The following TMEM242 variants were observed in gnomAD, a reference collection of about 807,000 sequenced individuals.
The protein encoded by TMEM242 is transmembrane protein 242, also known as UPF0463 transmembrane protein C6orf35.
In TMEM242, 10 loss-of-function variants were observed where a neutral mutation model predicts 18.2. That is an observed-to-expected ratio of 0.55 (90% CI 0.34 to 0.93). TMEM242 has a LOEUF of 0.93. TMEM242 is among the 40% of genes least tolerant of loss of function. TMEM242 has a pLI of 0.02. For missense variants in TMEM242, 186 were observed against 175.5 expected (o/e 1.06, Z -0.34); for synonymous variants, 57 against 69.9 (o/e 0.81, Z 0.92).
At chr6:157,312,935 C>T (rs1466829014) in intron 3 of TMEM242, among the ~76,000 whole-genome samples, 29 of 13,284 alleles carry the variant, frequency 2.2e-3, no homozygotes, top group South Asian at 6.5e-3. Flanking sequence ...TCATAGTGCC[C>T]CAGTGTGCGC....
intron 3 of TMEM242, among the ~76,000 whole-genome samples, chr6:157,296,905 T>C (rs1230552263): frequency 1.3e-5 from 2 of 152,152 alleles, no homozygotes; most frequent in Admixed American, 6.5e-5. Flanking sequence ...TCAAGACAAA[T>C]GGAAAATGTA....
intron 3 of TMEM242, chr6:157,318,532 T>C (rs1474623197): frequency 2.1e-6 from 1 of 480,684 alleles, no homozygotes; most frequent in Non-Finnish European, 3.6e-6. Flanking sequence ...CTAATGTCAA[T>C]TTATATAGAA....
At chr6:157,293,127 A>G in intron 3 of TMEM242, 128 bp from the exon 4 acceptor site, 1 of 628,326 alleles carries the variant, frequency 1.6e-6, no homozygotes. Flanking sequence ...AACATCAATA[A>G]AAGATAGGGA....
chr6:157,297,239 C>T (rs1777762718), intron 3 of TMEM242, among the ~76,000 whole-genome samples: 1 of 152,218 alleles, frequency 6.6e-6, no homozygotes. Context: ...TCTGACTGCA[C>T]AGCCTATGTG....
chr6:157,309,328 G>A (rs1182522152), intron 3 of TMEM242, among the ~76,000 whole-genome samples: 1 of 151,618 alleles, frequency 6.6e-6, no homozygotes, highest in Non-Finnish European at 1.5e-5. Flanking sequence ...AATACCAAAG[G>A]TTGTCTTTTT....
At chr6:157,312,847 CCTGGCCTCAT>C (rs1778222375) in intron 3 of TMEM242, among the ~76,000 whole-genome samples, 2 of 137,054 alleles carry the variant, frequency 1.5e-5, no homozygotes, top group African/African-American at 5.6e-5. Context: ...TGTGCACTCA[CCTGGCCTCAT>C]CATAGTGTCC....
At chr6:157,318,509 C>G (rs1554250525) in intron 3 of TMEM242, 1 of 446,856 alleles carries the variant, frequency 2.2e-6, no homozygotes, top group Non-Finnish European at 3.9e-6. Flanking sequence ...AGGCATAACC[C>G]ACTGCACTCG....
At position 157,299,694 on chromosome 6, in the gene TMEM242, G is replaced by A. The variant is rs1207150889; in HGVS notation, c.328-6695C>T. 82 of 1,610,534 alleles carry A rather than the reference G, an allele frequency of 5.1e-5. 1 individual carries two copies. Among genetic ancestry groups the A allele is most frequent in the Middle Eastern group, 4.9e-4 (3 of 6,070 alleles). On this transcript the variant is annotated intron_variant, in intron 3 of 3. Transcript: ENST00000400788. Reference sequence around the variant, plus strand: ...ACATTTCGCTGGACTAAATTAAGGCGCGTTTCTCCCTTTTCTTGACGTGCA... The same window carrying A: ...ACATTTCGCTGGACTAAATTAAGGCACGTTTCTCCCTTTTCTTGACGTGCA...
Position 157,292,254 on chromosome 6 carries a change from T to C in TMEM242, c.*647A>G, listed in dbSNP as rs1777694052. ...CATTATTTTAGCCCAACTGTGCCTT[T>C]TGGGGTGATCACAACTCATTACTGG... On this transcript the variant is annotated 3_prime_UTR_variant, in exon 4 of 4. Coordinates refer to ENST00000400788, the MANE Select transcript of TMEM242 (RefSeq NM_018452.6). The C allele has an allele frequency of 6.6e-6, 1 of 152,216 alleles. No individual in the cohort carries two copies. The highest frequency in any genetic ancestry group is 2.4e-5 in the African/African-American group (1 of 41,442). The allele number at this position is 152,216 out of a possible 1,614,324, so 9.4% of individuals were successfully genotyped here.
At chr6:157,303,058 C>A (rs1777851936) in intron 3 of TMEM242, among the ~76,000 whole-genome samples, 2 of 152,228 alleles carry the variant, frequency 1.3e-5, no homozygotes, top group Admixed American at 6.5e-5. Flanking sequence ...AAGCCTATGT[C>A]ACCACTGTAC....
intron 3 of TMEM242, chr6:157,299,297 A>G (rs1447849775): frequency 1.3e-6 from 1 of 794,592 alleles, no homozygotes; most frequent in Non-Finnish European, 2.3e-6. Flanking sequence ...TAATAATCTC[A>G]TAGGCACTAG....
chr6:157,309,943 G>A (rs1488498222), intron 3 of TMEM242, among the ~76,000 whole-genome samples: 3 of 152,086 alleles, frequency 2.0e-5, no homozygotes, highest in African/African-American at 7.2e-5. Context: ...GTAAAGGTTA[G>A]CAATGTTCAT....
intron 3 of TMEM242, 63 bp downstream of exon 3, chr6:157,318,719 A>G: frequency 6.3e-7 from 1 of 1,595,120 alleles, no homozygotes; most frequent in South Asian, 1.1e-5. Flanking sequence ...AAACCAGAAA[A>G]ATTTAGAACA....
Position 157,292,755 on chromosome 6 carries a change from G to A in TMEM242, c.*146C>T, listed in dbSNP as rs974170616. ...ACGCACACACATACTCTCCTGTGAT[G>A]AGGCTGAATGCTATCCAGTGCACTG... On this transcript the variant is annotated 3_prime_UTR_variant, in exon 4 of 4. Transcript: ENST00000400788. The A allele has an allele frequency of 6.6e-6, 4 of 608,698 alleles. No homozygotes were observed. Among genetic ancestry groups the A allele is most frequent in the African/African-American group, 5.5e-5 (3 of 54,822 alleles). 37.7% of individuals were successfully genotyped at this position (608,698 alleles called of 1,614,324 possible). A position where few individuals can be genotyped will look rare whatever the true frequency, so the allele number is the denominator to read the frequency against.
intron 3 of TMEM242, among the ~76,000 whole-genome samples, chr6:157,307,309 T>C (rs1377025536): frequency 6.6e-6 from 1 of 152,178 alleles, no homozygotes; most frequent in Non-Finnish European, 1.5e-5. Context: ...TGATGAAGTC[T>C]GATCTGTGTC....
At chr6:157,294,687 C>T (rs1777729580) in intron 3 of TMEM242, among the ~76,000 whole-genome samples, 1 of 152,150 alleles carries the variant, frequency 6.6e-6, no homozygotes, top group African/African-American at 2.4e-5. Flanking sequence ...TGAGAATCAG[C>T]TAATATTTCT....
chr6:157,321,020 T>C (rs1778488717), intron 2 of TMEM242, among the ~76,000 whole-genome samples: 1 of 148,374 alleles, frequency 6.7e-6, no homozygotes, highest in Non-Finnish European at 1.5e-5. Context: ...TTCTTTTTTT[T>C]TTTTTTGAGA....
intron 3 of TMEM242, among the ~76,000 whole-genome samples, chr6:157,312,071 CCT>C (rs1562384094): frequency 9.7e-5 from 6 of 61,662 alleles, no homozygotes; most frequent in Non-Finnish European, 1.2e-4. Flanking sequence ...TGTGCGCTCA[CCT>C]AGCCTCAACA....
intron 3 of TMEM242, chr6:157,299,929 T>C: frequency 6.2e-7 from 1 of 1,609,112 alleles, no homozygotes; most frequent in Non-Finnish European, 8.5e-7. Flanking sequence ...CCGATCCAGT[T>C]CCTATGATGG....
Sources: gnomAD v4.1 joint callset for allele counts (sites outside exome capture counted in the v4.1 genomes callset) on GRCh38, gnomAD v4.1.1 for gene constraint, MANE v1.5 for transcripts, NCBI Gene and HGNC (gene_info 2026-07-23, HGNC 2026-07-21) for gene names.